Variants in DCHS2 observed in about 807,000 individuals in gnomAD.
The protein encoded by DCHS2 is dachsous cadherin-related 2, also known as protocadherin-23.
Under a neutral mutation model 182.4 loss-of-function variants are expected in DCHS2, and 142 were observed. The observed-to-expected ratio is 0.78, with a 90% CI of 0.68 to 0.89. The LOEUF (loss-of-function observed/expected upper bound fraction) is 0.89. DCHS2 is among the 40% of genes least tolerant of loss of function. The probability of loss-of-function intolerance (pLI) is 0.00; values close to 1 mark genes in which losing one functional copy is unlikely to be tolerated. For synonymous variants in DCHS2, 1,740 were observed against 1,663.3 expected (o/e 1.05, Z -1.12); for missense variants, 4,319 against 4,198.6 (o/e 1.03, Z -0.79).
chr4:154,259,579 G>A lies in DCHS2; in HGVS notation c.6755C>T (p.Ser2252Phe). The A allele has an allele frequency of 1.2e-6, 2 of 1,613,718 alleles. No homozygotes were observed. Among genetic ancestry groups the A allele is most frequent in the South Asian group, 2.2e-5 (2 of 91,074 alleles). Residue 2252 changes from serine (S) to phenylalanine (F), a missense_variant, in exon 15 of 20, where the codon TCT becomes TTT. Physicochemically the swap from Ser to Phe is radical, Grantham distance 155 (BLOSUM62 -2). Coordinates refer to ENST00000357232, the MANE Select transcript of DCHS2 (RefSeq NM_001358235.2). ...ATGAGCATTGTAGAGTTGGCTTTCA[G>A]ACACTGATGCCTGGTAAATGCTTTG... The part of the protein sequence containing the change: ...FEQSIYQASV[S>F]ESQLYNAHVI...
intron 3 of DCHS2, among the ~76,000 whole-genome samples, chr4:154,345,887 T>C (rs1291485084): frequency 1.3e-5 from 2 of 152,226 alleles, no homozygotes; most frequent in Admixed American, 6.5e-5. Flanking sequence ...CTTAGTCAGT[T>C]TGGCTGCTAT....
intron 1 of DCHS2, among the ~76,000 whole-genome samples, chr4:154,477,121 T>C (rs1735717003): frequency 1.3e-5 from 2 of 152,206 alleles, no homozygotes; most frequent in South Asian, 4.1e-4. Context: ...TTATTTCTCA[T>C]GGTTCTGGAG....
chr4:154,384,505 C>T, intron 1 of DCHS2: 1 of 1,558,074 alleles, frequency 6.4e-7, no homozygotes, highest in Non-Finnish European at 8.7e-7. Flanking sequence ...TCCAAAAAAC[C>T]TCTGTCAATG....
At chr4:154,276,595 C>T (rs1193446215) in intron 13 of DCHS2, among the ~76,000 whole-genome samples, 1 of 152,144 alleles carries the variant, frequency 6.6e-6, no homozygotes, top group Admixed American at 6.6e-5. Flanking sequence ...GATTTTCAAA[C>T]ATTTGGATGA....
Position 154,321,025 on chromosome 4 carries a change from G to A in DCHS2, c.4374C>T (p.Thr1458=), listed in dbSNP as rs1736041483. 2.5e-6 allele frequency: 4 copies of A among 1,613,682 alleles called. No individual in the cohort carries two copies. Among genetic ancestry groups the A allele is most frequent in the Non-Finnish European group, 3.4e-6 (4 of 1,179,816 alleles). The change falls in exon 9 of 20, where the codon ACC becomes ACT. Residue 1458 remains threonine (T), a synonymous_variant. Coordinates refer to ENST00000357232, the MANE Select transcript of DCHS2 (RefSeq NM_001358235.2). The stretch of plus-strand genomic sequence containing the variant: ...GTTCCTTAGAAAGAAACAAGTCTCC[G>A]GTTGAGCTGTCTATTTCAAAGTGTC... ...KDGHFEIDSS[T]GDLFLSKELD... is the part of the protein sequence containing the mutation.
chr4:154,408,159 A>G (rs1732477127), intron 1 of DCHS2, among the ~76,000 whole-genome samples: 2 of 152,250 alleles, frequency 1.3e-5, no homozygotes, highest in South Asian at 2.1e-4. Flanking sequence ...CTCAATACCT[A>G]TGTTCCAGAA....
chr4:154,305,060 A>C, intron 11 of DCHS2, 37 bp downstream of exon 11: 2 of 1,534,352 alleles, frequency 1.3e-6, no homozygotes, highest in South Asian at 1.3e-5. Context: ...TTTAATTTTT[A>C]ATTTTTATTT....
At chr4:154,358,128 T>C (rs1057010846) in intron 3 of DCHS2, among the ~76,000 whole-genome samples, 2 of 152,204 alleles carry the variant, frequency 1.3e-5, no homozygotes, top group African/African-American at 4.8e-5. Context: ...CTCTGTGGAA[T>C]GTAGAATTTG....
At position 154,234,368 on chromosome 4, in the gene DCHS2, G is replaced by T; in HGVS notation, c.*168C>A. On this transcript the variant is annotated 3_prime_UTR_variant, in exon 20 of 20. Coordinates refer to ENST00000357232, the MANE Select transcript of DCHS2 (RefSeq NM_001358235.2). Reference sequence around the variant, plus strand: ...AAAGAGGAAATAACTTTTCATTAAGGCTGGAAGAAATTGGAGAAACTTTAA... The same window carrying T: ...AAAGAGGAAATAACTTTTCATTAAGTCTGGAAGAAATTGGAGAAACTTTAA... 2 of 942,768 alleles carry T rather than the reference G, an allele frequency of 2.1e-6. No individual in the cohort carries two copies. Among genetic ancestry groups the T allele is most frequent in the Non-Finnish European group, 3.0e-6 (2 of 661,014 alleles). 58.4% of individuals were successfully genotyped at this position (942,768 alleles called of 1,614,324 possible). A position where few individuals can be genotyped will look rare whatever the true frequency, so the allele number is the denominator to read the frequency against.
intron 10 of DCHS2, among the ~76,000 whole-genome samples, chr4:154,309,972 T>C (rs774768699): frequency 5.9e-5 from 9 of 152,164 alleles, no homozygotes; most frequent in Non-Finnish European, 1.3e-4. Flanking sequence ...ACTCAAGTCA[T>C]GGTTAGAAAG....
chr4:154,428,999 G>A (rs1339227564), intron 1 of DCHS2, among the ~76,000 whole-genome samples: 1 of 151,716 alleles, frequency 6.6e-6, no homozygotes, highest in East Asian at 1.9e-4. Context: ...GGAGATGAAT[G>A]AAATTAAGTT....
chr4:154,389,516 T>TTATACATATATATATATA (rs1554013192), intron 1 of DCHS2, among the ~76,000 whole-genome samples: 8 of 111,132 alleles, frequency 7.2e-5, no homozygotes, highest in Non-Finnish European at 1.2e-4. Context: ...AAGACAAAGG[T>TTATACATATATATATATA]TATATATATA....
intron 1 of DCHS2, among the ~76,000 whole-genome samples, chr4:154,446,141 A>G (rs1734276774): frequency 6.6e-6 from 1 of 152,206 alleles, no homozygotes; most frequent in Non-Finnish European, 1.5e-5. Context: ...AGCTCTTAAT[A>G]AATCAATAAG....
chr4:154,339,934 G>T (rs1379886943), intron 3 of DCHS2, among the ~76,000 whole-genome samples: 3 of 152,138 alleles, frequency 2.0e-5, no homozygotes, highest in African/African-American at 7.2e-5. Context: ...GTTAAGGGAA[G>T]TCATCTTTGT....
chr4:154,449,296 C>A (rs1180089908), intron 1 of DCHS2, among the ~76,000 whole-genome samples: 2 of 151,366 alleles, frequency 1.3e-5, no homozygotes, highest in South Asian at 2.1e-4. Context: ...ATGATATTTT[C>A]AATTAATCTT....
In DCHS2 at chr4:154,333,059, G is replaced by C; in HGVS notation, c.3149C>G (p.Thr1050Arg). ...TTGGTCCTCGGCCCTGAGAGTCAGC[G>C]TGAGCTCCCGCTGCTCGCCCGCGCC... is the stretch of plus-strand genomic sequence containing the variant. ...SLGAGEQREL[T>R]LTLRAEDQGV... is the part of the protein sequence containing the mutation. The change falls in exon 5 of 20, where the codon ACG (threonine) becomes AGG (arginine). Residue 1050 changes from threonine (T) to arginine (R), a missense_variant. Thr to Arg is a moderately conservative substitution (Grantham distance 71). Coordinates refer to ENST00000357232, the MANE Select transcript of DCHS2 (RefSeq NM_001358235.2). The C allele has an allele frequency of 6.2e-7, 1 of 1,614,066 alleles. No homozygotes were observed. The highest frequency in any genetic ancestry group is 8.5e-7 in the Non-Finnish European group (1 of 1,179,956).
intron 1 of DCHS2, among the ~76,000 whole-genome samples, chr4:154,401,377 G>T (rs1453640334): frequency 6.6e-6 from 1 of 152,062 alleles, no homozygotes. Context: ...TTTTGGGGGG[G>T]TAAAAATCTA....
intron 18 of DCHS2, among the ~76,000 whole-genome samples, 161 bp from the exon 19 acceptor site, chr4:154,239,463 A>G (rs1731697012): frequency 2.0e-5 from 3 of 152,192 alleles, no homozygotes; most frequent in Admixed American, 2.0e-4. Flanking sequence ...TTGGCATATT[A>G]AAAAGATTGT....
intron 13 of DCHS2, among the ~76,000 whole-genome samples, chr4:154,293,204 AT>A (rs58636806): frequency 0.38 from 57,162 of 149,062 alleles, 11,074 homozygotes; most frequent in East Asian, 0.49. Context: ...CAGGTATTCG[AT>A]TTTTTTTTTT....
Sources: gnomAD v4.1 joint callset for allele counts (sites outside exome capture counted in the v4.1 genomes callset) on GRCh38, gnomAD v4.1.1 for gene constraint, MANE v1.5 for transcripts, NCBI Gene and HGNC (gene_info 2026-07-23, HGNC 2026-07-21) for gene names.